ZNF155: variants seen among roughly 807,000 people sequenced by gnomAD.
ZNF155 encodes the protein KRAB A domain.
Under a neutral mutation model 11.9 loss-of-function variants are expected in ZNF155, and 15 were observed. The observed-to-expected ratio is 1.26, with a 90% CI of 0.84 to 1.94. ZNF155 has a LOEUF of 1.94. Among genes scored for constraint, ZNF155 ranks in the 30% most tolerant of loss-of-function variants. The pLI is 0.00. For missense variants in ZNF155, 602 were observed against 639.1 expected (o/e 0.94, Z 0.63); for synonymous variants, 212 against 219.9 (o/e 0.96, Z 0.32).
chr19:43,996,072 C>G (rs1325056754), intron 4 of ZNF155, 21 bp from the exon 5 acceptor site: 2 of 1,575,566 alleles, frequency 1.3e-6, no homozygotes, highest in South Asian at 1.2e-5. Flanking sequence ...GTACACATCT[C>G]TTAAATCTGT....
At chr19:43,986,145 G>A (rs1333865850) in intron 1 of ZNF155, among the ~76,000 whole-genome samples, 1 of 152,064 alleles carries the variant, frequency 6.6e-6, no homozygotes, top group Non-Finnish European at 1.5e-5. Flanking sequence ...ATATCATTGT[G>A]GAGCATTTTA....
rs766870409 is a variant in ZNF155, at chr19:43,996,963, A to AG, written c.1106_1107insG (p.Pro371ThrfsTer3). The AG allele has an allele frequency of 8.7e-6, 14 of 1,610,116 alleles. No homozygotes were observed. The highest frequency in any genetic ancestry group is 6.6e-5 in the South Asian group (6 of 90,568). ...AAGCATCAGGTGGTCCACACAGGAG[A>AG]AAAACCATATAATTGTAAAGAATGT... is the stretch of plus-strand genomic sequence containing the variant. On this transcript the variant is annotated frameshift_variant, in exon 5 of 5. Coordinates refer to ENST00000270014, the MANE Select transcript of ZNF155 (RefSeq NM_198089.3). LOFTEE classifies it low-confidence loss of function (END_TRUNC).
At position 43,996,315 on chromosome 19, in the gene ZNF155, G is replaced by A. The variant is rs1296780442; in HGVS notation, c.458G>A (p.Cys153Tyr). The A allele has an allele frequency of 2.5e-6, 4 of 1,614,188 alleles. No individual in the cohort carries two copies. The highest frequency in any genetic ancestry group is 1.7e-6 in the Non-Finnish European group (2 of 1,180,008). The change falls in exon 5 of 5, where the codon TGT (cysteine) becomes TAT (tyrosine). Residue 153 changes from cysteine to tyrosine, a missense_variant. Coordinates refer to ENST00000270014, the MANE Select transcript of ZNF155 (RefSeq NM_198089.3). ...TGQKPSQGGK[C>Y]KQSISDVPIF... is the part of the protein sequence containing the mutation. ...CAGAAACCTTCCCAGGGTGGGAAGT[G>A]TAAACAGTCCATCAGTGATGTTCCC... is the stretch of plus-strand genomic sequence containing the variant.
chr19:43,987,709 C>A (rs12611102), intron 1 of ZNF155, among the ~76,000 whole-genome samples: 18,349 of 152,164 alleles, frequency 0.12, 2,830 homozygotes, highest in African/African-American at 0.35. Context: ...GGCATTCACT[C>A]TAAAAATGAA....
chr19:43,986,447 G>GTTTTTTT lies in ZNF155; in HGVS notation c.-85-2011_-85-2010insTTTTTTT, dbSNP rs1470848913. ...TGCTCATCCAATATTATTCCCATTT[G>GTTTTTTT]TGTTTTTTTTTTTTTTTTTTTAGAC... On this transcript the variant is annotated intron_variant, in intron 1 of 4. Transcript: ENST00000270014. Among the ~76,000 whole-genome samples the GTTTTTTT allele has an allele frequency of 2.1e-5, 3 of 142,182 alleles. 1 individual carries two copies. Among genetic ancestry groups the GTTTTTTT allele is most frequent in the Non-Finnish European group, 1.5e-5 (1 of 66,138 alleles). 93.3% of individuals were successfully genotyped at this position (142,182 alleles called of 152,430 possible). A position where few individuals can be genotyped will look rare whatever the true frequency, so the allele number is the denominator to read the frequency against.
At chr19:43,993,088 A>G (rs1420599136) in intron 4 of ZNF155, among the ~76,000 whole-genome samples, 2 of 152,196 alleles carry the variant, frequency 1.3e-5, no homozygotes, top group East Asian at 3.9e-4. Context: ...TCCAAAGTCT[A>G]TATACACTTC....
chr19:43,996,963 A>G lies in ZNF155; in HGVS notation c.1106A>G (p.Glu369Gly), dbSNP rs1568492450. 8.7e-6 allele frequency: 14 copies of G among 1,610,116 alleles called. No individual in the cohort carries two copies. The Admixed American group carries it at 2.3e-4, about 27-fold the overall frequency. ...FYKHQVVHTGEKPYNCKECGK... is the reference protein window; with the variant it reads ...FYKHQVVHTGGKPYNCKECGK... The stretch of plus-strand genomic sequence containing the variant: ...AAGCATCAGGTGGTCCACACAGGAG[A>G]AAAACCATATAATTGTAAAGAATGT... The change falls in exon 5 of 5, where the codon GAA (glutamate) becomes GGA (glycine). Residue 369 changes from glutamate to glycine, a missense_variant. Transcript: ENST00000270014.
At chr19:43,986,492 T>C (rs1975452670) in intron 1 of ZNF155, among the ~76,000 whole-genome samples, 1 of 146,254 alleles carries the variant, frequency 6.8e-6, no homozygotes, top group Admixed American at 6.8e-5. Context: ...CTCTGTCACC[T>C]AGGCTGGAGT....
Position 43,988,539 on chromosome 19 carries a change from GA to G in ZNF155, c.1del. On this transcript the variant is annotated 5_prime_UTR_variant, in exon 2 of 5. Coordinates refer to ENST00000270014, the MANE Select transcript of ZNF155 (RefSeq NM_198089.3). ...GTCTGCAAATTCCCCAAAGTAGGAG[GA>G]AAAATGACCACATTCAAGGTGAGGG... The G allele has an allele frequency of 1.2e-6, 2 of 1,606,882 alleles. No homozygotes were observed. Among genetic ancestry groups the G allele is most frequent in the Admixed American group, 1.7e-5 (1 of 59,754 alleles).
rs1342615500 is a variant in ZNF155 at position 43,997,498 on chromosome 19, C to T, written c.*24C>T. The T allele has an allele frequency of 5.2e-6, 8 of 1,547,376 alleles. No homozygotes were observed. Among genetic ancestry groups the T allele is most frequent in the Middle Eastern group, 1.8e-4 (1 of 5,516 alleles). ...AATTGTTCATATTTATGGGGTACAA[C>T]GTGCTATTTTAATGTGTGCATACAA... On this transcript the variant is annotated 3_prime_UTR_variant, in exon 5 of 5. Transcript: ENST00000270014.
chr19:43,996,834 A>C lies in ZNF155; in HGVS notation c.977A>C (p.His326Pro), dbSNP rs770842878. The C allele has an allele frequency of 6.2e-6, 10 of 1,613,978 alleles. No homozygotes were observed. Among genetic ancestry groups the C allele is most frequent in the Admixed American group, 1.7e-5 (1 of 59,994 alleles). ...TGTGATACATGTGATAAGAGCTTTC[A>C]TCAGAGATCAGCACTTAATAGGCAT... Reference protein sequence around the residue: ...FRCDTCDKSFHQRSALNRHCM... With the variant: ...FRCDTCDKSFPQRSALNRHCM... Residue 326 changes from histidine (H) to proline (P), a missense_variant, in exon 5 of 5, where the codon CAT becomes CCT. Physicochemically the swap from His to Pro is moderately conservative, Grantham distance 77. Transcript: ENST00000270014.
At chr19:43,994,395 A>G (rs1398329163) in intron 4 of ZNF155, among the ~76,000 whole-genome samples, 1 of 152,250 alleles carries the variant, frequency 6.6e-6, no homozygotes, top group African/African-American at 2.4e-5. Flanking sequence ...TAGAAACACT[A>G]TGAAGTGTTT....
At chr19:43,984,532 C>T (rs988391971) in intron 1 of ZNF155, among the ~76,000 whole-genome samples, 1 of 152,040 alleles carries the variant, frequency 6.6e-6, no homozygotes, top group African/African-American at 2.4e-5. Context: ...GTTCAGTCCG[C>T]CTCCCTCCAC....
Position 43,996,789 on chromosome 19 carries a change from CAG to C in ZNF155, c.933_934del (p.Gly312ArgfsTer5), listed in dbSNP as rs367892504. The stretch of plus-strand genomic sequence containing the variant: ...CTTAAGAGCCATTCCATGGTTCACA[CAG>C]GAGAAAAACCATTTAGGTGTGATAC... On this transcript the variant is annotated frameshift_variant, in exon 5 of 5. Coordinates refer to ENST00000270014, the MANE Select transcript of ZNF155 (RefSeq NM_198089.3). LOFTEE classifies it low-confidence loss of function (END_TRUNC). The C allele has an allele frequency of 5.8e-4, 931 of 1,614,134 alleles. 3 individuals are homozygous for C. In the African/African-American group the frequency reaches 0.011, roughly 20 times the overall value.
intron 1 of ZNF155, among the ~76,000 whole-genome samples, chr19:43,988,064 A>G (rs1392784310): frequency 6.6e-6 from 1 of 152,130 alleles, no homozygotes; most frequent in East Asian, 1.9e-4. Context: ...GGTGGGAGGT[A>G]TAGCTTGAGC....
Position 43,996,416 on chromosome 19 carries a change from T to TA in ZNF155, c.560dup (p.Tyr187Ter). ...TGATGAGTGTGGAAAAAGCATCTGT[T>TA]ACATCTCAGCTCTTCATGTTCATCA... ...TCDECGKSIC[Y>*]ISALHVHQRV... The change falls in exon 5 of 5, where the codon TAC becomes TAAC. Residue 187 changes from tyrosine to a stop codon, truncating the protein, a stop_gained and frameshift_variant. Transcript: ENST00000270014. LOFTEE classifies it low-confidence loss of function (END_TRUNC). 6.2e-7 allele frequency: 1 copy of TA among 1,614,226 alleles called. No individual in the cohort carries two copies. The highest frequency in any genetic ancestry group is 8.5e-7 in the Non-Finnish European group (1 of 1,180,034).
chr19:43,987,877 A>T (rs1975517051), intron 1 of ZNF155, among the ~76,000 whole-genome samples: 1 of 152,210 alleles, frequency 6.6e-6, no homozygotes, highest in Admixed American at 6.5e-5. Context: ...CACCAATTTC[A>T]GGTGTACAAT....
At chr19:43,992,086 T>C (rs1975685952) in intron 4 of ZNF155, 152 bp downstream of exon 4, 3 of 679,862 alleles carry the variant, frequency 4.4e-6, no homozygotes. Context: ...GTTCCCACCC[T>C]AATATCTGTT....
At position 43,996,275 on chromosome 19, in the gene ZNF155, A is replaced by G. The variant is rs765376871; in HGVS notation, c.418A>G (p.Thr140Ala). 14 of 1,614,080 alleles carry G rather than the reference A, an allele frequency of 8.7e-6. No homozygotes were observed. Among genetic ancestry groups the G allele is most frequent in the Non-Finnish European group, 1.1e-5 (13 of 1,180,018 alleles). The change falls in exon 5 of 5, where the codon ACA becomes GCA. Residue 140 changes from threonine to alanine, a missense_variant. Thr to Ala is a moderately conservative substitution (Grantham distance 58). Transcript: ENST00000270014. ...VPSQVEAGLPTIHTGQKPSQG... is the reference protein window; with the variant it reads ...VPSQVEAGLPAIHTGQKPSQG... ...CTCCCAGGTTGAAGCAGGACTACCCACAATTCATACAGGACAGAAACCTTC... is the reference window on the plus strand; with the variant it reads ...CTCCCAGGTTGAAGCAGGACTACCCGCAATTCATACAGGACAGAAACCTTC...
Sources: allele counts gnomAD v4.1 joint callset (sites outside exome capture counted in the v4.1 genomes callset), GRCh38; gene constraint gnomAD v4.1.1; transcripts MANE v1.5; gene names NCBI Gene and HGNC (gene_info 2026-07-23, HGNC 2026-07-21).